Variants in SLC35F1 observed in about 807,000 individuals in gnomAD.
SLC35F1 encodes the protein solute carrier family 35 member F1.
A neutral mutation model predicts 48.7 loss-of-function variants in SLC35F1; 14 were observed. The ratio of observed to expected loss-of-function variants is 0.29; its 90% CI spans 0.19 to 0.45. The LOEUF is 0.45. Among genes scored for constraint, SLC35F1 ranks in the 20% least tolerant of loss-of-function variants. The probability of loss-of-function intolerance (pLI) is 1.00; values close to 1 mark genes in which losing one functional copy is unlikely to be tolerated. For synonymous variants in SLC35F1, 190 were observed against 202.2 expected, an observed-to-expected ratio of 0.94 and a Z score of 0.51; for missense variants, 404 against 500.0, an observed-to-expected ratio of 0.81 and a Z score of 1.83.
At chr6:118,305,961 A>G (rs1332489469) in intron 7 of SLC35F1, among the ~76,000 whole-genome samples, 1 of 152,122 alleles carries the variant, frequency 6.6e-6, no homozygotes, top group African/African-American at 2.4e-5. Context: ...GCCTGGATTG[A>G]TTTATTGTAG....
intron 2 of SLC35F1, among the ~76,000 whole-genome samples, chr6:118,233,435 C>T (rs1299173373): frequency 1.3e-5 from 2 of 152,318 alleles, no homozygotes; most frequent in East Asian, 3.9e-4. Flanking sequence ...GAAGAACTGA[C>T]CTTGCGGATC....
At chr6:118,250,436 T>A (rs1775558525) in intron 3 of SLC35F1, among the ~76,000 whole-genome samples, 1 of 152,190 alleles carries the variant, frequency 6.6e-6, no homozygotes, top group Non-Finnish European at 1.5e-5. Context: ...AGTACCACCC[T>A]AGCTGCAGAA....
intron 3 of SLC35F1, among the ~76,000 whole-genome samples, chr6:118,241,321 T>C (rs1297534513): frequency 1.3e-5 from 2 of 152,198 alleles, no homozygotes; most frequent in Non-Finnish European, 2.9e-5. Context: ...CACTCCTTGC[T>C]CTATCCTCTT....
chr6:118,210,204 C>A (rs1394749921), intron 2 of SLC35F1, among the ~76,000 whole-genome samples: 4 of 152,110 alleles, frequency 2.6e-5, no homozygotes, highest in Admixed American at 2.6e-4. Context: ...GAGTGAGTAA[C>A]CCTCCTCATA....
chr6:118,200,835 T>C (rs920602543), intron 2 of SLC35F1, among the ~76,000 whole-genome samples: 2 of 152,200 alleles, frequency 1.3e-5, no homozygotes, highest in Admixed American at 6.5e-5. Flanking sequence ...CAACATCATG[T>C]GGCTTCCAGA....
At chr6:118,274,924 A>G (rs1008807309) in intron 4 of SLC35F1, among the ~76,000 whole-genome samples, 1 of 152,190 alleles carries the variant, frequency 6.6e-6, no homozygotes, top group African/African-American at 2.4e-5. Flanking sequence ...GAGGGTGGAA[A>G]TGTATACTGA....
intron 1 of SLC35F1, among the ~76,000 whole-genome samples, chr6:117,927,414 G>A (rs2114809065): frequency 6.6e-6 from 1 of 152,260 alleles, no homozygotes; most frequent in African/African-American, 2.4e-5. Flanking sequence ...GAAAGAAGCA[G>A]AAGTAAAAAT....
chr6:118,134,862 G>C (rs1213254856), intron 1 of SLC35F1, among the ~76,000 whole-genome samples: 1 of 152,184 alleles, frequency 6.6e-6, no homozygotes, highest in Non-Finnish European at 1.5e-5. Context: ...CTGGCCTGCT[G>C]CCTCCTCCTC....
chr6:118,152,807 G>T (rs1774082230), intron 1 of SLC35F1, among the ~76,000 whole-genome samples: 1 of 152,170 alleles, frequency 6.6e-6, no homozygotes, highest in African/African-American at 2.4e-5. Flanking sequence ...GAATGTAAAG[G>T]CTATGTCAGC....
At chr6:118,092,174 G>C (rs1005056559) in intron 1 of SLC35F1, among the ~76,000 whole-genome samples, 6 of 152,160 alleles carry the variant, frequency 3.9e-5, no homozygotes, top group Non-Finnish European at 5.9e-5. Flanking sequence ...TGTCTCCAGG[G>C]CATGTCAGAG....
At chr6:117,915,140 T>C (rs1775811487) in intron 1 of SLC35F1, among the ~76,000 whole-genome samples, 1 of 152,186 alleles carries the variant, frequency 6.6e-6, no homozygotes, top group Non-Finnish European at 1.5e-5. Flanking sequence ...ATTTAAAATA[T>C]GCAAGAGTAT....
intron 1 of SLC35F1, among the ~76,000 whole-genome samples, chr6:118,051,681 A>C (rs1055487997): frequency 1.3e-5 from 2 of 152,160 alleles, no homozygotes; most frequent in African/African-American, 4.8e-5. Flanking sequence ...AATGCAAGGA[A>C]AATATTAGTA....
chr6:118,256,215 TG>T (rs1775642222), intron 3 of SLC35F1, among the ~76,000 whole-genome samples: 3 of 52,668 alleles, frequency 5.7e-5, no homozygotes, highest in Non-Finnish European at 1.6e-4. Flanking sequence ...GGTGTGTGTG[TG>T]TGTGTGTGTG....
chr6:118,013,703 TTGGA>T (rs773451271), intron 1 of SLC35F1, among the ~76,000 whole-genome samples: 12 of 152,192 alleles, frequency 7.9e-5, no homozygotes, highest in Non-Finnish European at 1.5e-4. Context: ...ACTACTCTAC[TTGGA>T]TTGTTATTTT....
intron 2 of SLC35F1, among the ~76,000 whole-genome samples, chr6:118,172,076 A>G (rs1774413665): frequency 6.6e-6 from 1 of 152,118 alleles, no homozygotes; most frequent in South Asian, 2.1e-4. Context: ...GATCACATAA[A>G]TGACGTCAGT....
intron 1 of SLC35F1, among the ~76,000 whole-genome samples, chr6:118,120,880 A>G (rs1220612334): frequency 6.6e-6 from 1 of 152,146 alleles, no homozygotes; most frequent in Non-Finnish European, 1.5e-5. Context: ...TGAAGCCTCA[A>G]TTGCAGTAGT....
chr6:117,937,953 A>G (rs1776180631), intron 1 of SLC35F1, among the ~76,000 whole-genome samples: 1 of 152,034 alleles, frequency 6.6e-6, no homozygotes, highest in South Asian at 2.1e-4. Flanking sequence ...CCTTCCCCTT[A>G]TGCCACCACA....
chr6:118,238,008 T>G (rs919715344), intron 3 of SLC35F1, among the ~76,000 whole-genome samples: 3 of 152,168 alleles, frequency 2.0e-5, no homozygotes, highest in African/African-American at 7.2e-5. Context: ...AAAAAAACAT[T>G]GTTTCTTTCC....
chr6:118,306,728 G>A (rs1776316468), intron 7 of SLC35F1, among the ~76,000 whole-genome samples: 1 of 152,118 alleles, frequency 6.6e-6, no homozygotes, highest in Non-Finnish European at 1.5e-5. Context: ...GGCTATTACG[G>A]CCTCTCTTTT....
Sources: gnomAD v4.1 joint callset for allele counts (sites outside exome capture counted in the v4.1 genomes callset) on GRCh38, gnomAD v4.1.1 for gene constraint, MANE v1.5 for transcripts, NCBI Gene and HGNC (gene_info 2026-07-23, HGNC 2026-07-21) for gene names.